Variants in BTD observed in about 807,000 individuals in gnomAD.
BTD encodes biocytinase.
A neutral mutation model predicts 17.7 loss-of-function variants in BTD; 13 were observed. The observed-to-expected ratio is 0.74, with a 90% CI of 0.48 to 1.17. The LOEUF (loss-of-function observed/expected upper bound fraction) is 1.17, where lower values mean the gene tolerates loss of function less well. BTD is among the 50% of genes most tolerant of loss of function. BTD has a pLI of 0.00. For synonymous variants in BTD, 240 were observed against 245.2 expected, an observed-to-expected ratio of 0.98 and a Z score of 0.20; for missense variants, 674 against 650.4, an observed-to-expected ratio of 1.04 and a Z score of -0.39.
intron 3 of BTD, among the ~76,000 whole-genome samples, chr3:15,693,735 T>C (rs1034764163): frequency 6.0e-4 from 91 of 152,256 alleles, no homozygotes; most frequent in African/African-American, 2.1e-3. Flanking sequence ...GGAGAGGTGA[T>C]GGTGTTTCCA....
chr3:15,720,412 C>T (rs1418241036), intron 4 of BTD, among the ~76,000 whole-genome samples: 2 of 152,054 alleles, frequency 1.3e-5, no homozygotes, highest in Non-Finnish European at 2.9e-5. Context: ...TTATTTGATG[C>T]TTTTTAAAAT....
At chr3:15,693,782 A>G (rs868223106) in intron 3 of BTD, among the ~76,000 whole-genome samples, 5 of 152,184 alleles carry the variant, frequency 3.3e-5, no homozygotes, top group Non-Finnish European at 5.9e-5. Flanking sequence ...AGCTTCAAGA[A>G]TGCTTTCTTA....
intron 1 of BTD, among the ~76,000 whole-genome samples, chr3:15,620,763 C>T (rs1173624158): frequency 6.6e-6 from 1 of 152,256 alleles, no homozygotes; most frequent in Non-Finnish European, 1.5e-5. Flanking sequence ...GCCGCAGCTC[C>T]AGCTGGTCCC....
intron 1 of BTD, among the ~76,000 whole-genome samples, chr3:15,603,733 C>T (rs79478971): frequency 0.077 from 11,668 of 152,174 alleles, 495 homozygotes; most frequent in African/African-American, 0.11. Context: ...AATGGGTGCA[C>T]GGGAGTGAGG....
At chr3:15,602,170 C>T (rs2064280899) in intron 1 of BTD, 69 of 1,407,630 alleles carry the variant, frequency 4.9e-5, no homozygotes, top group Non-Finnish European at 6.2e-5. Context: ...TTACTTAAAT[C>T]CAGAAGCAGA....
chr3:15,645,022 A>G lies in BTD; in HGVS notation c.1106A>G (p.Asn369Ser). The stretch of plus-strand genomic sequence containing the variant: ...GATGAGGCCACCAAGTGGAACGTGA[A>G]TGCTCCTCCCACATTTCACTCTGAG... ...HCDEATKWNV[N>S]APPTFHSEMM... is the part of the protein sequence containing the mutation. The change falls in exon 4 of 4, where the codon AAT becomes AGT. Residue 369 changes from asparagine to serine, a missense_variant. By Grantham distance (46) the Asn-to-Ser change is conservative. Coordinates refer to ENST00000643237, the MANE Select transcript of BTD (RefSeq NM_001370658.1). The G allele has an allele frequency of 1.9e-6, 3 of 1,614,176 alleles. No individual in the cohort carries two copies. The highest frequency in any genetic ancestry group is 2.5e-6 in the Non-Finnish European group (3 of 1,180,038).
exon 4 of BTD, chr3:15,711,372 C>G: frequency 1.0e-6 from 1 of 982,850 alleles, no homozygotes; most frequent in Non-Finnish European, 1.6e-6. Context: ...CCCTCCAATC[C>G]CAAACAAAAC....
At chr3:15,638,315 G>A (rs1209012955) in intron 2 of BTD, among the ~76,000 whole-genome samples, 1 of 152,152 alleles carries the variant, frequency 6.6e-6, no homozygotes, top group Non-Finnish European at 1.5e-5. Flanking sequence ...CAGACCGGCA[G>A]AACAGAAACA....
At chr3:15,624,794 G>A (rs574360194) in intron 1 of BTD, among the ~76,000 whole-genome samples, 4 of 152,182 alleles carry the variant, frequency 2.6e-5, no homozygotes, top group Non-Finnish European at 5.9e-5. Context: ...GTGCAGTGGT[G>A]TGATAACAGC....
At chr3:15,704,555 AT>A (rs1197405834) in intron 3 of BTD, among the ~76,000 whole-genome samples, 2 of 152,180 alleles carry the variant, frequency 1.3e-5, no homozygotes, top group Non-Finnish European at 2.9e-5. Context: ...AATAATAGCA[AT>A]TGGAAGCTCT....
intron 3 of BTD, among the ~76,000 whole-genome samples, chr3:15,643,195 A>G (rs1273893362): frequency 1.3e-5 from 2 of 152,178 alleles, no homozygotes; most frequent in African/African-American, 4.8e-5. Context: ...CCTTTGGTCA[A>G]TGCAAGATAG....
chr3:15,624,228 C>A (rs1362303899), intron 1 of BTD, among the ~76,000 whole-genome samples: 1 of 151,880 alleles, frequency 6.6e-6, no homozygotes, highest in Non-Finnish European at 1.5e-5. Context: ...GGCAGTTAAC[C>A]TGATTGGTGT....
At chr3:15,702,757 C>T (rs1318722133) in intron 3 of BTD, among the ~76,000 whole-genome samples, 1 of 152,124 alleles carries the variant, frequency 6.6e-6, no homozygotes, top group Admixed American at 6.5e-5. Flanking sequence ...GGTATTGTCA[C>T]TCCAAGAGGC....
chr3:15,622,159 T>A (rs530499754), intron 1 of BTD, among the ~76,000 whole-genome samples: 13 of 152,294 alleles, frequency 8.5e-5, no homozygotes, highest in Admixed American at 7.2e-4. Context: ...TTCATTGATT[T>A]CTATTCTAGT....
intron 3 of BTD, 130 bp downstream of exon 3, chr3:15,642,187 C>T: frequency 6.6e-7 from 1 of 1,523,636 alleles, no homozygotes; most frequent in Non-Finnish European, 8.8e-7. Flanking sequence ...ACCCAAACTC[C>T]CAAAGATCCA....
At chr3:15,674,174 CAAAAAAAAAAAA>C (rs34806568) in intron 3 of BTD, among the ~76,000 whole-genome samples, 98 of 40,290 alleles carry the variant, frequency 2.4e-3, no homozygotes, top group African/African-American at 0.01. Context: ...CCTGCCTCTT[CAAAAAAAAAAAA>C]AAAAAAAAAA....
At chr3:15,720,452 A>T (rs2073593203) in intron 4 of BTD, among the ~76,000 whole-genome samples, 1 of 152,222 alleles carries the variant, frequency 6.6e-6, no homozygotes, top group African/African-American at 2.4e-5. Context: ...TGTCACCTCT[A>T]AACACAACAT....
Position 15,645,630 on chromosome 3 carries a change from G to A in BTD, c.*142G>A. On this transcript the variant is annotated 3_prime_UTR_variant, in exon 4 of 4. Transcript: ENST00000643237. ...GGCACCAGATTCCACCCTGGGAACT[G>A]TGGAAAAAGTAGGAGAGGCAGATTC... 2.2e-6 allele frequency: 2 copies of A among 925,506 alleles called. No individual in the cohort carries two copies. 57.3% of individuals were successfully genotyped at this position (925,506 alleles called of 1,614,324 possible).
At chr3:15,676,997 A>G (rs2067004203) in intron 3 of BTD, 1 of 1,613,268 alleles carries the variant, frequency 6.2e-7, no homozygotes, top group Non-Finnish European at 8.5e-7. Flanking sequence ...CGTTGGTTGC[A>G]TTGATGAGGT....
Sources: allele counts gnomAD v4.1 joint callset (sites outside exome capture counted in the v4.1 genomes callset), GRCh38; gene constraint gnomAD v4.1.1; transcripts MANE v1.5; gene names NCBI Gene and HGNC (gene_info 2026-07-23, HGNC 2026-07-21).